Variants in CEP68 observed in about 807,000 individuals in gnomAD.
CEP68 encodes centrosomal protein of 68 kDa.
CEP68 carries 26 observed loss-of-function variants against 55.3 expected under a neutral mutation model. The observed-to-expected ratio is 0.47, with a 90% CI of 0.34 to 0.65. The LOEUF (loss-of-function observed/expected upper bound fraction) is 0.65. CEP68 is among the 30% of genes least tolerant of loss of function. CEP68 has a pLI of 0.01. For synonymous variants in CEP68, 402 were observed against 383.2 expected, an observed-to-expected ratio of 1.05 and a Z score of -0.57; for missense variants, 957 against 946.7, an observed-to-expected ratio of 1.01 and a Z score of -0.14.
intron 3 of CEP68, 30 bp from the exon 4 acceptor site, chr2:65,074,252 C>T (rs1410335011): frequency 1.2e-6 from 2 of 1,612,380 alleles, no homozygotes; most frequent in Non-Finnish European, 1.7e-6. Flanking sequence ...CGATCAGTAA[C>T]ACCATGTGTC....
At chr2:65,075,439 T>C (rs1168419956) in intron 4 of CEP68, among the ~76,000 whole-genome samples, 1 of 152,022 alleles carries the variant, frequency 6.6e-6, no homozygotes, top group East Asian at 1.9e-4. Context: ...TTTGTGTGCG[T>C]GTGTATGTAT....
chr2:65,069,520 T>C lies in CEP68; in HGVS notation c.76T>C (p.Cys26Arg), dbSNP rs780637709. The C allele has an allele frequency of 6.3e-7, 1 of 1,585,566 alleles. No individual in the cohort carries two copies. Among genetic ancestry groups the C allele is most frequent in the East Asian group, 2.2e-5 (1 of 44,564 alleles). ...GGCCCAGTCCTATGGGAGAGGGAGC[T>C]GCAGGGAGCGGGAGCTGGACATCCC... ...TKAQSYGRGS[C>R]RERELDIPGP... The change falls in exon 2 of 7, where the codon TGC becomes CGC. Residue 26 changes from cysteine to arginine, a missense_variant. Cys to Arg is a radical substitution (Grantham distance 180, BLOSUM62 -3). Transcript: ENST00000377990.
At chr2:65,068,135 G>A (rs982333126) in intron 1 of CEP68, among the ~76,000 whole-genome samples, 2 of 152,128 alleles carry the variant, frequency 1.3e-5, no homozygotes, top group African/African-American at 4.8e-5. Context: ...ACTCCGGGTG[G>A]CTGCCGACAT....
Position 65,086,409 on chromosome 2 carries a change from GTA to G in CEP68, c.*2781_*2782del, listed in dbSNP as rs1468700928. On this transcript the variant is annotated 3_prime_UTR_variant, in exon 7 of 7. Transcript: ENST00000377990. The stretch of plus-strand genomic sequence containing the variant: ...TACTTGAAAATGGGGGTATAAAGGG[GTA>G]TATATTTTTTCCAGAACCACATTTA... 1.3e-5 allele frequency: 2 copies of G among 152,234 alleles called. No homozygotes were observed. The highest frequency in any genetic ancestry group is 3.9e-4 in the East Asian group (2 of 5,184). 9.4% of individuals were successfully genotyped at this position (152,234 alleles called of 1,614,324 possible).
At chr2:65,066,866 G>A (rs1298230081) in intron 1 of CEP68, among the ~76,000 whole-genome samples, 11 of 149,686 alleles carry the variant, frequency 7.3e-5, no homozygotes, top group Middle Eastern at 7.0e-3. Flanking sequence ...CCAGGGAGGC[G>A]GAGGTTGCAG....
intron 2 of CEP68, 161 bp from the exon 3 acceptor site, chr2:65,071,293 A>G (rs1221055186): frequency 3.3e-5 from 20 of 615,234 alleles, no homozygotes; most frequent in Non-Finnish European, 5.2e-5. Context: ...TGCTGCTGGC[A>G]GTGCATATTG....
At chr2:65,074,597 C>T in intron 4 of CEP68, 193 bp downstream of exon 4, 1 of 773,752 alleles carries the variant, frequency 1.3e-6, no homozygotes, top group South Asian at 1.5e-5. Flanking sequence ...TTTCCCAGGC[C>T]AAATGGAGCT....
chr2:65,073,306 G>C (rs1676592407), intron 3 of CEP68: 1 of 389,848 alleles, frequency 2.6e-6, no homozygotes, highest in Non-Finnish European at 4.9e-6. Flanking sequence ...CTAACTCAGA[G>C]GTATTCTGAA....
chr2:65,066,746 ATATATAT>A (rs1415037500), intron 1 of CEP68, among the ~76,000 whole-genome samples: 27 of 37,314 alleles, frequency 7.2e-4, no homozygotes, highest in African/African-American at 2.4e-3. Flanking sequence ...AAAAAAAAAA[ATATATAT>A]ATATATATAT....
intron 6 of CEP68, among the ~76,000 whole-genome samples, chr2:65,082,936 TGC>T (rs1422301889): frequency 6.6e-6 from 1 of 152,104 alleles, no homozygotes; most frequent in Non-Finnish European, 1.5e-5. Context: ...AGGATGAGGG[TGC>T]CTCTGTGCTG....
rs905700408 is a variant in CEP68, at chr2:65,071,882, A to G, written c.786A>G (p.Leu262=). The change falls in exon 3 of 7, where the codon CTA becomes CTG. Residue 262 remains leucine (L), a synonymous_variant. Transcript: ENST00000377990. Reference sequence around the variant, plus strand: ...TCTCTGGGGGTGATGCTTCTGGGCTAGGCAGGAGACGCCTCTCCTTCCAGG... The same window carrying G: ...TCTCTGGGGGTGATGCTTCTGGGCTGGGCAGGAGACGCCTCTCCTTCCAGG... The part of the protein sequence containing the change: ...PVFSGGDASG[L]GRRRLSFQAE... 2.7e-5 allele frequency: 44 copies of G among 1,611,390 alleles called. No homozygotes were observed. The highest frequency in any genetic ancestry group is 3.3e-5 in the Non-Finnish European group (39 of 1,178,820).
chr2:65,058,350 C>T (rs1675746608), intron 1 of CEP68, among the ~76,000 whole-genome samples: 1 of 151,830 alleles, frequency 6.6e-6, no homozygotes, highest in Non-Finnish European at 1.5e-5. Flanking sequence ...ATCACAGGTG[C>T]ACATCACCAG....
chr2:65,072,139 A>G lies in CEP68; in HGVS notation c.1043A>G (p.Lys348Arg). 3 of 1,613,936 alleles carry G rather than the reference A, an allele frequency of 1.9e-6. No individual in the cohort carries two copies. Among genetic ancestry groups the G allele is most frequent in the Non-Finnish European group, 2.5e-6 (3 of 1,179,988 alleles). Residue 348 changes from lysine to arginine, a missense_variant, in exon 3 of 7, where the codon AAA (lysine) becomes AGA (arginine). Lys to Arg is a conservative substitution (Grantham distance 26). Coordinates refer to ENST00000377990, the MANE Select transcript of CEP68 (RefSeq NM_015147.3). ...SFSVSPASTL[K>R]SPTNVSPNCP... Reference sequence around the variant, plus strand: ...TCTGTCTCTCCAGCAAGCACCCTCAAATCACCTACTAATGTCTCCCCCAAC... The same window carrying G: ...TCTGTCTCTCCAGCAAGCACCCTCAGATCACCTACTAATGTCTCCCCCAAC...
rs554772726 is a variant in CEP68 at position 65,065,282 on chromosome 2, A to T, written c.-46-4117A>T. Among the ~76,000 whole-genome samples the T allele has an allele frequency of 2.0e-5, 3 of 152,400 alleles. No homozygotes were observed. In the South Asian group the frequency reaches 6.2e-4, roughly 32 times the overall value. ...GATGTGCCAGCACAAATGTGTGTGC[A>T]TAGTGACTCATCATAGCATTGTTTG... On this transcript the variant is annotated intron_variant, in intron 1 of 6. Coordinates refer to ENST00000377990, the MANE Select transcript of CEP68 (RefSeq NM_015147.3).
At chr2:65,068,179 C>T (rs1676288243) in intron 1 of CEP68, among the ~76,000 whole-genome samples, 3 of 152,182 alleles carry the variant, frequency 2.0e-5, no homozygotes, top group Admixed American at 6.5e-5. Flanking sequence ...CCTCCCCTTC[C>T]ACATCCTCCC....
At chr2:65,062,646 G>C (rs1048303962) in intron 1 of CEP68, among the ~76,000 whole-genome samples, 1 of 151,782 alleles carries the variant, frequency 6.6e-6, no homozygotes, top group Admixed American at 6.6e-5. Context: ...GACCAGCCTT[G>C]GCAACATATC....
At chr2:65,060,934 T>A (rs974436425) in intron 1 of CEP68, among the ~76,000 whole-genome samples, 1 of 152,190 alleles carries the variant, frequency 6.6e-6, no homozygotes, top group East Asian at 1.9e-4. Flanking sequence ...CCCAGCACTT[T>A]GGGAGGCCGA....
chr2:65,071,363 A>G (rs768329172), intron 2 of CEP68, 91 bp from the exon 3 acceptor site: 2 of 1,096,436 alleles, frequency 1.8e-6, no homozygotes, highest in Admixed American at 2.0e-5. Flanking sequence ...AATACTGTCT[A>G]GACCCACAAG....
chr2:65,060,176 G>C (rs1474015412), intron 1 of CEP68, among the ~76,000 whole-genome samples: 2 of 152,284 alleles, frequency 1.3e-5, no homozygotes, highest in South Asian at 4.1e-4. Flanking sequence ...CTTTTACTCA[G>C]GTGAGATTGT....
Sources: gnomAD v4.1 joint callset for allele counts (sites outside exome capture counted in the v4.1 genomes callset) on GRCh38, gnomAD v4.1.1 for gene constraint, MANE v1.5 for transcripts, NCBI Gene and HGNC (gene_info 2026-07-23, HGNC 2026-07-21) for gene names.